The following ZNF407 variants were observed in gnomAD, a reference collection of about 807,000 sequenced individuals.
ZNF407 encodes zinc finger protein 407.
Under a neutral mutation model 131.2 loss-of-function variants are expected in ZNF407, and 17 were observed. The ratio of observed to expected loss-of-function variants is 0.13; its 90% CI spans 0.09 to 0.19. The LOEUF is 0.19. Among genes scored for constraint, ZNF407 ranks in the 10% least tolerant of loss-of-function variants. The pLI, the probability that ZNF407 is intolerant of heterozygous loss-of-function variation, is 1.00. For synonymous variants in ZNF407, 1,156 were observed against 1,062.0 expected, an observed-to-expected ratio of 1.09 and a Z score of -1.72; for missense variants, 2,681 against 2,830.6, an observed-to-expected ratio of 0.95 and a Z score of 1.20.
intron 1 of ZNF407, among the ~76,000 whole-genome samples, chr18:74,630,168 T>G (rs957751130): frequency 1.1e-5 from 1 of 94,688 alleles, no homozygotes; most frequent in African/African-American, 4.9e-5. Flanking sequence ...CAGTGGTGTC[T>G]TTTTTTTTTT....
At chr18:74,700,734 T>C (rs936734438) in intron 3 of ZNF407, among the ~76,000 whole-genome samples, 3 of 152,208 alleles carry the variant, frequency 2.0e-5, no homozygotes, top group Non-Finnish European at 4.4e-5. Flanking sequence ...AGAAGTATAA[T>C]TGGGACCAAA....
At chr18:74,627,827 C>T in intron 1 of ZNF407, among the ~76,000 whole-genome samples, 1 of 145,300 alleles carries the variant, frequency 6.9e-6, no homozygotes, top group Non-Finnish European at 1.5e-5. Context: ...CCCTGCCCTG[C>T]CCTGCCCCGC....
At position 74,631,120 on chromosome 18, in the gene ZNF407, G is replaced by A. The variant is rs1342473115; in HGVS notation, c.101G>A (p.Gly34Glu). 1 of 1,613,734 alleles carries A rather than the reference G, an allele frequency of 6.2e-7. No homozygotes were observed. The highest frequency in any genetic ancestry group is 1.3e-5 in the African/African-American group (1 of 74,878). Residue 34 changes from glycine (G) to glutamate (E), a missense_variant, in exon 2 of 9, where the codon GGG becomes GAG. Transcript: ENST00000299687. ...CTTTCATCCCATAATGAAGACGGTGGGCCTGTATCTGATGTGATAGCAAGT... is the reference window on the plus strand; with the variant it reads ...CTTTCATCCCATAATGAAGACGGTGAGCCTGTATCTGATGTGATAGCAAGT... ...TKLSSHNEDGGPVSDVIASFP... is the reference protein window; with the variant it reads ...TKLSSHNEDGEPVSDVIASFP...
At chr18:74,913,640 G>C (rs894032884) in intron 7 of ZNF407, among the ~76,000 whole-genome samples, 1 of 152,150 alleles carries the variant, frequency 6.6e-6, no homozygotes, top group Admixed American at 6.5e-5. Flanking sequence ...TGGGACACAG[G>C]GTACAGTGGA....
At chr18:74,763,639 AT>A (rs1969152693) in intron 3 of ZNF407, among the ~76,000 whole-genome samples, 1 of 149,536 alleles carries the variant, frequency 6.7e-6, no homozygotes, top group African/African-American at 2.5e-5. Flanking sequence ...GGTAGTTAAC[AT>A]TTTTTTGTAG....
At chr18:74,723,721 T>G (rs376182201) in intron 3 of ZNF407, among the ~76,000 whole-genome samples, 97 of 152,308 alleles carry the variant, frequency 6.4e-4, no homozygotes, top group African/African-American at 2.0e-3. Flanking sequence ...TGTGAAAGGC[T>G]TCTTTCCTGA....
intron 4 of ZNF407, among the ~76,000 whole-genome samples, chr18:74,855,034 C>CT (rs1234694952): frequency 6.6e-6 from 1 of 152,110 alleles, no homozygotes; most frequent in Non-Finnish European, 1.5e-5. Context: ...TATGTGTTCT[C>CT]TAAAAAATAT....
rs117002127 is a variant in ZNF407, at chr18:74,691,662, T to A, written c.4802+50540T>A. 6.2e-4 allele frequency among the ~76,000 whole-genome samples: 95 copies of A among 152,332 alleles called. 2 individuals carry two copies. The East Asian group carries it at 0.018, about 29-fold the overall frequency. On this transcript the variant is annotated intron_variant, in intron 3 of 8. Coordinates refer to ENST00000299687, the MANE Select transcript of ZNF407 (RefSeq NM_017757.3). ...AATGATTTATTTTAGACCTTTTTTC[T>A]TTTTCTAATTTAAGCATTTAAAGCG...
intron 4 of ZNF407, among the ~76,000 whole-genome samples, chr18:74,823,968 C>T (rs899020816): frequency 3.3e-5 from 5 of 152,178 alleles, no homozygotes; most frequent in African/African-American, 1.2e-4. Flanking sequence ...GGAATTAAAA[C>T]ATTCCTCAGC....
chr18:74,926,696 G>C (rs1318561709), intron 8 of ZNF407, among the ~76,000 whole-genome samples: 2 of 152,146 alleles, frequency 1.3e-5, no homozygotes, highest in East Asian at 3.9e-4. Context: ...CCAGCTACTT[G>C]GGAGGCTGAG....
chr18:74,952,664 T>A (rs79656115), intron 8 of ZNF407, among the ~76,000 whole-genome samples: 5,972 of 152,314 alleles, frequency 0.039, 146 homozygotes, highest in Non-Finnish European at 0.061. Context: ...ATAAGACTTT[T>A]AAAAAACAGT....
At chr18:74,722,957 C>A (rs1345336075) in intron 3 of ZNF407, among the ~76,000 whole-genome samples, 2 of 151,900 alleles carry the variant, frequency 1.3e-5, no homozygotes, top group African/African-American at 4.8e-5. Context: ...ATGTGTTAGA[C>A]CTCTTGTAAT....
chr18:74,885,579 T>C (rs554060838), intron 6 of ZNF407, among the ~76,000 whole-genome samples: 6 of 152,320 alleles, frequency 3.9e-5, no homozygotes, highest in Non-Finnish European at 8.8e-5. Context: ...TCAAGACTTA[T>C]TATAAAGTTA....
intron 3 of ZNF407, among the ~76,000 whole-genome samples, chr18:74,758,376 T>G (rs1284427055): frequency 6.6e-6 from 1 of 152,180 alleles, no homozygotes; most frequent in Non-Finnish European, 1.5e-5. Flanking sequence ...GTGAACATCT[T>G]ATAACAATCT....
chr18:74,641,956 C>A (rs138034659), intron 3 of ZNF407, among the ~76,000 whole-genome samples: 3 of 151,614 alleles, frequency 2.0e-5, no homozygotes, highest in African/African-American at 7.2e-5. Flanking sequence ...ACTTGCAGTT[C>A]TTATGGCTAA....
intron 8 of ZNF407, among the ~76,000 whole-genome samples, chr18:74,975,471 A>C (rs1219708044): frequency 1.3e-5 from 2 of 152,262 alleles, no homozygotes; most frequent in South Asian, 2.1e-4. Flanking sequence ...ATAAAGATAT[A>C]AGTTGTTTGA....
intron 1 of ZNF407, among the ~76,000 whole-genome samples, chr18:74,627,780 CTCTCTCTCTCTCTCTT>C (rs1326122675): frequency 2.0e-5 from 2 of 99,288 alleles, no homozygotes; most frequent in Admixed American, 1.8e-4. Context: ...TTCTCTCTTT[CTCTCTCTCTCTCTCTT>C]TCTCTCTTTC....
intron 7 of ZNF407, among the ~76,000 whole-genome samples, chr18:74,912,080 GA>G (rs1971681146): frequency 6.6e-6 from 1 of 152,132 alleles, no homozygotes; most frequent in African/African-American, 2.4e-5. Flanking sequence ...GGGAAAATGG[GA>G]ATCAGTGTTT....
intron 4 of ZNF407, among the ~76,000 whole-genome samples, chr18:74,822,000 A>G (rs1218216707): frequency 6.6e-6 from 1 of 152,056 alleles, no homozygotes; most frequent in East Asian, 1.9e-4. Context: ...TGTGGTTTTG[A>G]TTTGCATTTC....
Sources: allele counts gnomAD v4.1 joint callset (sites outside exome capture counted in the v4.1 genomes callset), GRCh38; gene constraint gnomAD v4.1.1; transcripts MANE v1.5; gene names NCBI Gene and HGNC (gene_info 2026-07-23, HGNC 2026-07-21).